PRKG1: variants seen among roughly 807,000 people sequenced by gnomAD.
The protein encoded by PRKG1 is protein kinase cGMP-dependent 1.
PRKG1 carries 35 observed loss-of-function variants against 88.1 expected under a neutral mutation model. That is an observed-to-expected ratio of 0.40 (90% CI 0.30 to 0.53). The LOEUF (loss-of-function observed/expected upper bound fraction) is 0.53, where lower values mean the gene tolerates loss of function less well. Among genes scored for constraint, PRKG1 ranks in the 20% least tolerant of loss-of-function variants. The probability of loss-of-function intolerance (pLI) is 0.59; values close to 1 mark genes in which losing one functional copy is unlikely to be tolerated. For missense variants in PRKG1, 540 were observed against 839.8 expected (o/e 0.64, Z 4.41); for synonymous variants, 303 against 292.5 (o/e 1.04, Z -0.37).
chr10:51,974,855 C>A (rs1458987039), intron 5 of PRKG1, among the ~76,000 whole-genome samples: 2 of 151,992 alleles, frequency 1.3e-5, no homozygotes, highest in African/African-American at 4.8e-5. Flanking sequence ...AGGTTGTAAA[C>A]TGTCATTTTA....
intron 2 of PRKG1, among the ~76,000 whole-genome samples, chr10:51,289,274 G>A (rs1163974893): frequency 6.6e-6 from 1 of 151,988 alleles, no homozygotes; most frequent in Non-Finnish European, 1.5e-5. Context: ...CTCTCTTACT[G>A]GGCACCACTG....
intron 4 of PRKG1, among the ~76,000 whole-genome samples, chr10:51,893,753 T>A (rs1937668): frequency 0.24 from 36,220 of 151,994 alleles, 4,544 homozygotes; most frequent in Admixed American, 0.32. Flanking sequence ...CACCATGAGC[T>A]AAGTTTTATT....
At chr10:51,728,881 A>G (rs1381844854) in intron 3 of PRKG1, among the ~76,000 whole-genome samples, 1 of 152,230 alleles carries the variant, frequency 6.6e-6, no homozygotes, top group Non-Finnish European at 1.5e-5. Context: ...TCTAAAATGT[A>G]GTTAAATATG....
intron 3 of PRKG1, among the ~76,000 whole-genome samples, chr10:51,768,866 T>C (rs112183342): frequency 6.6e-6 from 1 of 152,158 alleles, no homozygotes; most frequent in Admixed American, 6.6e-5. Flanking sequence ...AAAGAAAAAT[T>C]ATTAAGTCTC....
At chr10:51,920,499 CTCTT>C (rs1262078132) in intron 5 of PRKG1, among the ~76,000 whole-genome samples, 3 of 152,126 alleles carry the variant, frequency 2.0e-5, no homozygotes, top group Admixed American at 2.0e-4. Flanking sequence ...CATGTCTTCT[CTCTT>C]TCTGTTTAGT....
intron 1 of PRKG1, among the ~76,000 whole-genome samples, chr10:51,011,894 T>C (rs1000456139): frequency 1.3e-5 from 2 of 152,186 alleles, no homozygotes; most frequent in Non-Finnish European, 1.5e-5. Flanking sequence ...GACTCACAGT[T>C]CCATGTGGCT....
chr10:51,823,689 A>G (rs976551770), intron 4 of PRKG1, among the ~76,000 whole-genome samples: 3 of 152,002 alleles, frequency 2.0e-5, no homozygotes, highest in Non-Finnish European at 2.9e-5. Context: ...TTAGCTATGC[A>G]TTTTTTAGGT....
At chr10:51,024,502 TTTTAGATGAAGAAA>T (rs1843182345) in intron 1 of PRKG1, among the ~76,000 whole-genome samples, 1 of 152,198 alleles carries the variant, frequency 6.6e-6, no homozygotes, top group African/African-American at 2.4e-5. Context: ...CATAGATACT[TTTTAGATGAAGAAA>T]TTTAGATGAA....
At chr10:51,123,964 C>A (rs2131921232) in intron 1 of PRKG1, among the ~76,000 whole-genome samples, 1 of 152,172 alleles carries the variant, frequency 6.6e-6, no homozygotes, top group African/African-American at 2.4e-5. Flanking sequence ...GTGAGGACAG[C>A]ACCAAGAGAA....
intron 3 of PRKG1, among the ~76,000 whole-genome samples, chr10:51,712,988 A>G (rs1841798872): frequency 6.7e-6 from 1 of 148,778 alleles, no homozygotes; most frequent in African/African-American, 2.5e-5. Context: ...TTTTTTTTTG[A>G]TGGATGAGAA....
At chr10:51,651,292 A>T (rs1422685026) in intron 3 of PRKG1, among the ~76,000 whole-genome samples, 7 of 151,834 alleles carry the variant, frequency 4.6e-5, no homozygotes. Context: ...CTTTCAATTC[A>T]TATTACTCCC....
intron 1 of PRKG1, among the ~76,000 whole-genome samples, chr10:51,093,772 TAC>T (rs1844455417): frequency 2.1e-5 from 3 of 141,172 alleles, no homozygotes; most frequent in Non-Finnish European, 3.0e-5. Context: ...TATATACATA[TAC>T]ATATATATGT....
chr10:51,128,251 C>T (rs559719996), intron 1 of PRKG1, among the ~76,000 whole-genome samples: 3 of 151,744 alleles, frequency 2.0e-5, no homozygotes, highest in East Asian at 1.9e-4. Flanking sequence ...TATATCAATT[C>T]GCTATCTAAT....
intron 3 of PRKG1, among the ~76,000 whole-genome samples, chr10:51,627,914 TTC>T (rs1839382523): frequency 1.5e-5 from 2 of 133,632 alleles, no homozygotes; most frequent in African/African-American, 2.7e-5. Context: ...CTTCCTTCCC[TTC>T]CTTCCCTTCC....
intron 2 of PRKG1, among the ~76,000 whole-genome samples, chr10:51,162,722 G>A (rs879258613): frequency 6.6e-6 from 1 of 151,926 alleles, no homozygotes; most frequent in African/African-American, 2.4e-5. Flanking sequence ...TATTTTAAAT[G>A]TTATTTTATT....
At chr10:52,244,230 T>C (rs1376277430) in intron 9 of PRKG1, among the ~76,000 whole-genome samples, 2 of 152,028 alleles carry the variant, frequency 1.3e-5, no homozygotes, top group African/African-American at 2.4e-5. Flanking sequence ...TTTATAGTAA[T>C]AGGTACTTTA....
At chr10:52,178,766 G>A (rs1430896165) in intron 9 of PRKG1, among the ~76,000 whole-genome samples, 1 of 151,848 alleles carries the variant, frequency 6.6e-6, no homozygotes, top group Non-Finnish European at 1.5e-5. Context: ...TCTCTGTTTG[G>A]AGTTTATGAC....
intron 10 of PRKG1, among the ~76,000 whole-genome samples, chr10:52,266,551 T>C (rs1291168768): frequency 6.6e-6 from 1 of 152,050 alleles, no homozygotes; most frequent in African/African-American, 2.4e-5. Context: ...GCACATGATC[T>C]CATTCCTTTT....
intron 2 of PRKG1, among the ~76,000 whole-genome samples, chr10:51,364,916 G>A (rs369288981): frequency 6.6e-6 from 1 of 151,850 alleles, no homozygotes; most frequent in Non-Finnish European, 1.5e-5. Flanking sequence ...ATATAACCAC[G>A]TAAACTCTAT....
Sources: allele counts gnomAD v4.1 joint callset (sites outside exome capture counted in the v4.1 genomes callset), GRCh38; gene constraint gnomAD v4.1.1; transcripts MANE v1.5; gene names NCBI Gene and HGNC (gene_info 2026-07-23, HGNC 2026-07-21).